Variants in SLC25A27 observed in about 807,000 individuals in gnomAD.
SLC25A27 encodes the protein mitochondrial uncoupling protein 4.
In SLC25A27, 35 loss-of-function variants were observed where a neutral mutation model predicts 49.1. That is an observed-to-expected ratio of 0.71 (90% confidence interval 0.54 to 0.95). The LOEUF (loss-of-function observed/expected upper bound fraction) is 0.95. Among genes scored for constraint, SLC25A27 ranks in the 40% least tolerant of loss-of-function variants. SLC25A27 has a pLI of 0.00. For missense variants in SLC25A27, 339 were observed against 397.1 expected (o/e 0.85, Z 1.24); for synonymous variants, 144 against 136.9 (o/e 1.05, Z -0.36).
In SLC25A27 at chr6:46,655,535, G is replaced by GGTT. The variant is rs1562033662; in HGVS notation, c.107-308_107-307insGTT. Among the ~76,000 whole-genome samples, 55 of 10,706 alleles carry GGTT rather than the reference G, an allele frequency of 5.1e-3. 1 individual carries two copies. Among genetic ancestry groups the GGTT allele is most frequent in the Non-Finnish European group, 0.01 (51 of 4,944 alleles). The allele number at this position is 10,706 out of a possible 152,430, so 7.0% of individuals were successfully genotyped here. On this transcript the variant is annotated intron_variant, in intron 1 of 8. Coordinates refer to ENST00000371347, the MANE Select transcript of SLC25A27 (RefSeq NM_004277.5). ...ATTTTAATTTTTATTGTTAATGTTT[G>GGTT]TTTTTTTTTTTTTTTTTTTTTTTTT...
intron 8 of SLC25A27, among the ~76,000 whole-genome samples, chr6:46,675,967 CA>C (rs1347642123): frequency 6.6e-6 from 1 of 152,084 alleles, no homozygotes; most frequent in Non-Finnish European, 1.5e-5. Flanking sequence ...GCTCCATATA[CA>C]AACTAGATAT....
At chr6:46,666,275 C>A (rs1301868797) in intron 5 of SLC25A27, among the ~76,000 whole-genome samples, 1 of 152,188 alleles carries the variant, frequency 6.6e-6, no homozygotes, top group African/African-American at 2.4e-5. Context: ...CTTTTCCTTG[C>A]CTGCTACTGC....
chr6:46,664,454 A>G (rs570002911), intron 4 of SLC25A27, among the ~76,000 whole-genome samples: 4 of 152,200 alleles, frequency 2.6e-5, no homozygotes, highest in Non-Finnish European at 5.9e-5. Context: ...GTTTTCTCCT[A>G]TAATTAATAC....
At chr6:46,654,382 C>T (rs762543959) in intron 1 of SLC25A27, among the ~76,000 whole-genome samples, 57 of 152,132 alleles carry the variant, frequency 3.7e-4, no homozygotes, top group South Asian at 8.3e-4. Flanking sequence ...TCTCTCCTTT[C>T]GAAAATGATG....
Position 46,662,496 on chromosome 6 carries a change from G to A in SLC25A27, c.504G>A (p.Leu168=). 1.9e-6 allele frequency: 3 copies of A among 1,613,684 alleles called. No individual in the cohort carries two copies. The highest frequency in any genetic ancestry group is 2.2e-5 in the South Asian group (2 of 90,946). The change falls in exon 4 of 9, where the codon TTG becomes TTA. Residue 168 remains leucine, a splice_region_variant and synonymous_variant. Transcript: ENST00000371347. ...AAAGGAAACTGGAAGGAAAACCATT[G>A]CGGTAAGTTCTCCAATTAACCAATA... ...EGKRKLEGKP[L]RFRGVHHAFA...
intron 6 of SLC25A27, 37 bp downstream of exon 6, chr6:46,668,830 TTGTATCAC>T: frequency 8.2e-7 from 1 of 1,219,904 alleles, no homozygotes; most frequent in Non-Finnish European, 1.2e-6. Context: ...TTTTTTTTTT[TTGTATCAC>T]TTTTTCTTCC....
Position 46,657,378 on chromosome 6 carries a change from G to A in SLC25A27, c.298+1344G>A, listed in dbSNP as rs144995392. Among the ~76,000 whole-genome samples the A allele has an allele frequency of 3.3e-3, 497 of 152,166 alleles. 2 individuals are homozygous for A. Among genetic ancestry groups the A allele is most frequent in the African/African-American group, 6.8e-3 (283 of 41,514 alleles). On this transcript the variant is annotated intron_variant, in intron 2 of 8. Coordinates refer to ENST00000371347, the MANE Select transcript of SLC25A27 (RefSeq NM_004277.5). ...CTCAAGAGGCTAAGGCAGGAAAATC[G>A]CTTGAACCCAGGAGGCAGAGGTTGC...
Position 46,671,247 on chromosome 6 carries a change from C to T in SLC25A27, c.900+19C>T. On this transcript the variant is annotated intron_variant, in intron 8 of 8. Coordinates refer to ENST00000371347, the MANE Select transcript of SLC25A27 (RefSeq NM_004277.5). ...GAGAATGGTAAAGTTAGGTTTACTTCCTTTGTTTTTTTTCTTTGTACTTAA... is the reference window on the plus strand; with the variant it reads ...GAGAATGGTAAAGTTAGGTTTACTTTCTTTGTTTTTTTTCTTTGTACTTAA... The T allele has an allele frequency of 1.5e-6, 2 of 1,373,460 alleles. No individual in the cohort carries two copies. Among genetic ancestry groups the T allele is most frequent in the African/African-American group, 1.5e-5 (1 of 66,266 alleles). The allele number at this position is 1,373,460 out of a possible 1,614,324, so 85.1% of individuals were successfully genotyped here.
intron 4 of SLC25A27, 27 bp from the exon 5 acceptor site, chr6:46,664,747 T>C (rs1763269038): frequency 1.5e-6 from 2 of 1,360,104 alleles, no homozygotes; most frequent in Admixed American, 3.8e-5. Flanking sequence ...ACATGGAGTT[T>C]TCACATTTAA....
intron 2 of SLC25A27, 146 bp downstream of exon 2, chr6:46,656,180 T>C (rs1312741040): frequency 5.1e-6 from 3 of 588,292 alleles, no homozygotes; most frequent in African/African-American, 3.9e-5. Flanking sequence ...TTTTTTATTA[T>C]TATTTAGGTT....
Position 46,664,789 on chromosome 6 carries a change from T to A in SLC25A27, c.522T>A (p.His174Gln), listed in dbSNP as rs1247091774. ...EGKPLRFRGV[H>Q]HAFAKILAEG... is the part of the protein sequence containing the mutation. ...TTCTCCTTAGATTTCGTGGTGTACA[T>A]CATGCATTTGCAAAAATCTTAGCTG... Residue 174 changes from histidine to glutamine, a missense_variant, in exon 5 of 9, where the codon CAT becomes CAA. Physicochemically the swap from His to Gln is conservative, Grantham distance 24 (BLOSUM62 0). Coordinates refer to ENST00000371347, the MANE Select transcript of SLC25A27 (RefSeq NM_004277.5). The A allele has an allele frequency of 1.2e-6, 2 of 1,602,836 alleles. No individual in the cohort carries two copies. Among genetic ancestry groups the A allele is most frequent in the Non-Finnish European group, 1.7e-6 (2 of 1,173,060 alleles).
Position 46,659,044 on chromosome 6 carries a change from T to C in SLC25A27, c.381T>C (p.Leu127=), listed in dbSNP as rs775135615. 8.9e-5 allele frequency: 143 copies of C among 1,603,738 alleles called. No homozygotes were observed. The highest frequency in any genetic ancestry group is 1.2e-4 in the Non-Finnish European group (140 of 1,172,772). The change falls in exon 3 of 9, where the codon CTT becomes CTC. Residue 127 remains leucine (L), a splice_region_variant and synonymous_variant. Transcript: ENST00000371347. ...FGKSEDEHYP[L]WKSVIGGMMA... ...AAAGTGAAGATGAGCATTATCCCCT[T>C]TGGTAAGTTTTGTTTGGAAAATAAT...
chr6:46,661,840 C>G (rs1041019468), intron 3 of SLC25A27, among the ~76,000 whole-genome samples: 2 of 152,166 alleles, frequency 1.3e-5, no homozygotes, highest in African/African-American at 4.8e-5. Context: ...TTATCTCTGG[C>G]AAGGGATATA....
At chr6:46,670,492 T>G in intron 7 of SLC25A27, 2 of 370,032 alleles carry the variant, frequency 5.4e-6, no homozygotes, top group South Asian at 6.3e-5. Flanking sequence ...AAAAGCATAT[T>G]CTGCTGAGAA....
At chr6:46,660,146 T>C (rs573944056) in intron 3 of SLC25A27, among the ~76,000 whole-genome samples, 1 of 152,100 alleles carries the variant, frequency 6.6e-6, no homozygotes, top group East Asian at 1.9e-4. Flanking sequence ...AAGCAATTCA[T>C]TGATTCTCTT....
chr6:46,653,385 G>A (rs1381092789), intron 1 of SLC25A27, 87 bp downstream of exon 1: 31 of 1,475,620 alleles, frequency 2.1e-5, no homozygotes, highest in Admixed American at 2.5e-5. Flanking sequence ...GCGCCCGGCA[G>A]TGCGCATCGG....
chr6:46,674,416 C>A (rs557557639), intron 8 of SLC25A27, among the ~76,000 whole-genome samples: 2 of 152,066 alleles, frequency 1.3e-5, no homozygotes, highest in South Asian at 2.1e-4. Flanking sequence ...CTTACTGATA[C>A]AATATACTGA....
chr6:46,670,507 C>T, intron 7 of SLC25A27: 1 of 340,620 alleles, frequency 2.9e-6, no homozygotes, highest in Non-Finnish European at 5.3e-6. Context: ...TGAGAATTTA[C>T]AGAGCACTTT....
intron 4 of SLC25A27, 36 bp downstream of exon 4, chr6:46,662,534 C>G (rs937177099): frequency 6.2e-7 from 1 of 1,606,304 alleles, no homozygotes; most frequent in African/African-American, 1.3e-5. Context: ...TCTCTTTTTC[C>G]CTTGGCCACC....
Sources: gnomAD v4.1 joint callset for allele counts (sites outside exome capture counted in the v4.1 genomes callset) on GRCh38, gnomAD v4.1.1 for gene constraint, MANE v1.5 for transcripts, NCBI Gene and HGNC (gene_info 2026-07-23, HGNC 2026-07-21) for gene names.